Variants in LYRM4 observed in about 807,000 individuals in gnomAD.
The protein encoded by LYRM4 is LYR motif containing 4.
In LYRM4, 9 loss-of-function variants were observed where a neutral mutation model predicts 11.7. That is an observed-to-expected ratio of 0.77 (90% CI 0.46 to 1.34). The LOEUF is 1.34. LYRM4 is among the 40% of genes most tolerant of loss of function. The probability of loss-of-function intolerance (pLI) is 0.00; values close to 1 mark genes in which losing one functional copy is unlikely to be tolerated. For missense variants in LYRM4, 133 were observed against 112.5 expected (o/e 1.18, Z -0.82); for synonymous variants, 42 against 40.4 (o/e 1.04, Z -0.15).
chr6:5,041,505 T>C, the LYRM4 span, among the ~76,000 whole-genome samples: 1 of 152,256 alleles, frequency 6.6e-6, no homozygotes, highest in Non-Finnish European at 1.5e-5. Context: ...TGTTACTTAA[T>C]ACAATATCAT....
At chr6:5,063,794 C>T in the LYRM4 span, among the ~76,000 whole-genome samples, 1 of 152,240 alleles carries the variant, frequency 6.6e-6, no homozygotes, top group Non-Finnish European at 1.5e-5. Flanking sequence ...AGCCCCTCTT[C>T]AGGCTGCCCC....
intron 1 of LYRM4, among the ~76,000 whole-genome samples, chr6:5,253,084 T>G (rs183927688): frequency 6.6e-6 from 1 of 152,220 alleles, no homozygotes; most frequent in Non-Finnish European, 1.5e-5. Flanking sequence ...TTACCCTTAA[T>G]AGGAGGCTCA....
intron 2 of LYRM4, chr6:5,138,669 A>G: frequency 6.7e-7 from 1 of 1,487,090 alleles, no homozygotes; most frequent in Non-Finnish European, 9.0e-7. Context: ...CTCCCCACTG[A>G]AAACACAAGA....
At chr6:5,105,003 C>T (rs1391122841), downstream of LYRM4, 1 of 152,206 alleles carries the variant, frequency 6.6e-6, no homozygotes, top group Non-Finnish European at 1.5e-5. Flanking sequence ...GAAATGTCCC[C>T]ATACAGGAGA....
the LYRM4 span, among the ~76,000 whole-genome samples, chr6:5,046,379 CT>C: frequency 6.6e-5 from 10 of 152,118 alleles, no homozygotes; most frequent in African/African-American, 9.7e-5. Context: ...ATCTCCTGAC[CT>C]CGTGATCCAC....
chr6:5,156,478 A>G (rs1758418104), intron 2 of LYRM4, among the ~76,000 whole-genome samples: 1 of 152,236 alleles, frequency 6.6e-6, no homozygotes, highest in Non-Finnish European at 1.5e-5. Flanking sequence ...CACTGGTAGC[A>G]GAAAGAATAA....
chr6:5,236,525 T>C (rs1763555605), intron 1 of LYRM4: 1 of 152,120 alleles, frequency 6.6e-6, no homozygotes, highest in Admixed American at 6.5e-5. Context: ...TTTTCATTTT[T>C]GGTACATGTT....
chr6:5,045,539 T>C, the LYRM4 span, among the ~76,000 whole-genome samples: 2 of 152,214 alleles, frequency 1.3e-5, no homozygotes, highest in Non-Finnish European at 2.9e-5. Flanking sequence ...AAACGGTTAA[T>C]GGTGATTTTA....
chr6:5,232,683 T>C (rs1763310189), intron 1 of LYRM4, among the ~76,000 whole-genome samples: 1 of 152,224 alleles, frequency 6.6e-6, no homozygotes, highest in Admixed American at 6.5e-5. Flanking sequence ...CTCCACCACT[T>C]GTATTTTAGC....
chr6:5,110,088 G>A (rs929512024), intron 2 of LYRM4, among the ~76,000 whole-genome samples: 2 of 152,128 alleles, frequency 1.3e-5, no homozygotes, highest in African/African-American at 4.8e-5. Flanking sequence ...ACTGTCCCAG[G>A]TGGATGCTGG....
At chr6:5,224,965 T>C (rs950808263) in intron 1 of LYRM4, among the ~76,000 whole-genome samples, 4 of 138,926 alleles carry the variant, frequency 2.9e-5, no homozygotes, top group Non-Finnish European at 4.6e-5. Context: ...TCTGAAAAAA[T>C]AGGCTGGGCG....
At chr6:5,154,767 C>CG (rs1222968884) in intron 2 of LYRM4, among the ~76,000 whole-genome samples, 14 of 152,092 alleles carry the variant, frequency 9.2e-5, no homozygotes, top group African/African-American at 3.4e-4. Context: ...TGCAGTGAGC[C>CG]GGGATCGCGC....
At chr6:5,054,851 G>A in the LYRM4 span, among the ~76,000 whole-genome samples, 5 of 152,130 alleles carry the variant, frequency 3.3e-5, no homozygotes, top group Non-Finnish European at 7.3e-5. Context: ...CGGATATCAG[G>A]CCCTGAAAGA....
At chr6:5,065,104 G>T in the LYRM4 span, among the ~76,000 whole-genome samples, 12 of 151,940 alleles carry the variant, frequency 7.9e-5, no homozygotes, top group African/African-American at 2.9e-4. Flanking sequence ...GAATGTCATA[G>T]TTAGAATCAT....
At chr6:5,260,593 C>T in intron 1 of LYRM4, 55 bp downstream of exon 1, 1 of 1,199,244 alleles carries the variant, frequency 8.3e-7, no homozygotes, top group Non-Finnish European at 1.2e-6. Flanking sequence ...AGCCCGCACC[C>T]CCGGTCCCCG....
chr6:5,140,896 A>G (rs567576360), intron 2 of LYRM4, among the ~76,000 whole-genome samples: 1 of 152,286 alleles, frequency 6.6e-6, no homozygotes, highest in Admixed American at 6.5e-5. Context: ...CTCCTAAATA[A>G]CCAACCAAAT....
chr6:5,156,009 A>G (rs1403657876), intron 2 of LYRM4, among the ~76,000 whole-genome samples: 1 of 152,244 alleles, frequency 6.6e-6, no homozygotes, highest in Non-Finnish European at 1.5e-5. Flanking sequence ...TCCAGAGGAA[A>G]CACACAGATT....
chr6:5,136,305 A>T (rs1459849736), intron 2 of LYRM4: 11 of 985,286 alleles, frequency 1.1e-5, no homozygotes, highest in Non-Finnish European at 1.3e-5. Context: ...TTTAAAACCA[A>T]ATCAGTATTC....
the LYRM4 span, among the ~76,000 whole-genome samples, chr6:5,057,936 G>A: frequency 3.3e-5 from 5 of 151,938 alleles, no homozygotes; most frequent in Admixed American, 6.6e-5. Context: ...ATTTTTTGTA[G>A]AGATGGGGTC....
Sources: allele counts gnomAD v4.1 joint callset (sites outside exome capture counted in the v4.1 genomes callset), GRCh38; gene constraint gnomAD v4.1.1; transcripts MANE v1.5; gene names NCBI Gene and HGNC (gene_info 2026-07-23, HGNC 2026-07-21).